C3: variants seen among roughly 807,000 people sequenced by gnomAD.
C3 encodes the protein C3 and PZP-like alpha-2-macroglobulin domain-containing protein 1.
C3 carries 97 observed loss-of-function variants against 207.9 expected under a neutral mutation model. The observed-to-expected ratio is 0.47, with a 90% CI of 0.40 to 0.55. The LOEUF (loss-of-function observed/expected upper bound fraction) is 0.55, where lower values mean the gene tolerates loss of function less well. Ranked by LOEUF, C3 falls within the 20% of genes least tolerant of loss-of-function variation. The pLI is 0.00. For synonymous variants in C3, 848 were observed against 857.6 expected, an observed-to-expected ratio of 0.99 and a Z score of 0.20; for missense variants, 1,684 against 2,171.7, an observed-to-expected ratio of 0.78 and a Z score of 4.46.
At position 6,678,238 on chromosome 19, in the gene C3, G is replaced by T. The variant is rs2145388816; in HGVS notation, c.4764C>A (p.Ile1588=). ...CCAGCTTCAGGGCTTCTCTGCACTT[G>T]ATGGGGCTGATGAACGTGCGCTGCT... ...VGQQRTFISP[I]KCREALKLEE... is the part of the protein sequence containing the mutation. The change falls in exon 40 of 41, where the codon ATC becomes ATA. Residue 1588 remains isoleucine (I), a synonymous_variant. Coordinates refer to ENST00000245907, the MANE Select transcript of C3 (RefSeq NM_000064.4). 1.2e-6 allele frequency: 2 copies of T among 1,614,236 alleles called. No homozygotes were observed. The highest frequency in any genetic ancestry group is 4.5e-5 in the East Asian group (2 of 44,882).
chr19:6,709,611 T>TTGCCCCCC, intron 14 of C3, 73 bp downstream of exon 14: 22 of 1,109,426 alleles, frequency 2.0e-5, no homozygotes, highest in East Asian at 5.1e-5. Context: ...CCCTCTCCAG[T>TTGCCCCCC]CCCACCCACC....
At chr19:6,680,058 C>T (rs1917821319) in intron 36 of C3, 100 bp downstream of exon 36, 12 of 776,016 alleles carry the variant, frequency 1.5e-5, no homozygotes, top group South Asian at 1.5e-4. Context: ...AATCCCTGGA[C>T]TCCTTAGACC....
intron 27 of C3, 43 bp downstream of exon 27, chr19:6,690,586 A>T (rs1310909800): frequency 1.3e-6 from 2 of 1,511,396 alleles, no homozygotes; most frequent in Non-Finnish European, 1.8e-6. Flanking sequence ...TGTGCTCTGC[A>T]TCGGGTAAGG....
At chr19:6,691,344 C>T (rs1037461218) in intron 26 of C3, among the ~76,000 whole-genome samples, 7 of 152,236 alleles carry the variant, frequency 4.6e-5, no homozygotes, top group African/African-American at 1.4e-4. Context: ...TGAGCCACTG[C>T]GCCCAGCCAA....
At chr19:6,702,867 C>T in intron 17 of C3, 1 of 368,190 alleles carries the variant, frequency 2.7e-6, no homozygotes, top group Middle Eastern at 9.5e-4. Flanking sequence ...AACCCCATCT[C>T]TACTAAAAAC....
chr19:6,686,581 A>T lies in C3; in HGVS notation c.3646+165T>A. On this transcript the variant is annotated intron_variant, in intron 28 of 40. Transcript: ENST00000245907. Reference sequence around the variant, plus strand: ...AACTTAGAGCCGTGCATCCCAGCTCAGCTCAGGGTTATGCATCCCAGCTTG... The same window carrying T: ...AACTTAGAGCCGTGCATCCCAGCTCTGCTCAGGGTTATGCATCCCAGCTTG... 3 of 832,840 alleles carry T rather than the reference A, an allele frequency of 3.6e-6. No individual in the cohort carries two copies. The Admixed American group carries it at 5.3e-5, about 15-fold the overall frequency. 51.6% of individuals were successfully genotyped at this position (832,840 alleles called of 1,614,324 possible).
intron 23 of C3, 142 bp from the exon 24 acceptor site, chr19:6,694,776 G>A: frequency 1.4e-6 from 1 of 722,064 alleles, no homozygotes; most frequent in Admixed American, 2.6e-5. Flanking sequence ...TGACTGCGGG[G>A]AGGGGAGGCT....
rs1967624018 is a variant in C3, at chr19:6,700,373, TTA to T, written c.2440+1752_2440+1753del. On this transcript the variant is annotated intron_variant, in intron 19 of 40. Coordinates refer to ENST00000245907, the MANE Select transcript of C3 (RefSeq NM_000064.4). ...TATGATATATATGTAATATGATATATTATATATGTAATATATGATATATATGT... is the reference window on the plus strand; with the variant it reads ...TATGATATATATGTAATATGATATATTATATGTAATATATGATATATATGT... Among the ~76,000 whole-genome samples the T allele has an allele frequency of 2.3e-5, 2 of 87,614 alleles. 1 individual carries two copies. Among genetic ancestry groups the T allele is most frequent in the African/African-American group, 1.1e-4 (2 of 17,704 alleles). 57.5% of individuals were successfully genotyped at this position (87,614 alleles called of 152,430 possible).
chr19:6,693,665 G>C (rs1201583871), intron 24 of C3, among the ~76,000 whole-genome samples, 178 bp from the exon 25 acceptor site: 1 of 151,722 alleles, frequency 6.6e-6, no homozygotes, highest in East Asian at 1.9e-4. Flanking sequence ...AGAACGAGGA[G>C]GTGGAAAAGT....
chr19:6,697,049 T>TAAAAAAA (rs202245108), intron 21 of C3, among the ~76,000 whole-genome samples: 4 of 91,514 alleles, frequency 4.4e-5, no homozygotes, highest in Non-Finnish European at 9.3e-5. Flanking sequence ...CTCAAAAAAA[T>TAAAAAAA]AAACAAACAA....
Position 6,678,469 on chromosome 19 carries a change from G to C in C3, c.4631-14C>G. 6.2e-7 allele frequency: 1 copy of C among 1,612,338 alleles called. No individual in the cohort carries two copies. ...GGGTCTTGTACACTGTGGGGGAGAG[G>C]CAGACAGTTTGGGTGGTGGGCTAGG... On this transcript the variant is annotated splice_polypyrimidine_tract_variant and intron_variant, in intron 38 of 40. Transcript: ENST00000245907.
At chr19:6,712,961 C>T (rs1030057465) in intron 9 of C3, among the ~76,000 whole-genome samples, 4 of 152,126 alleles carry the variant, frequency 2.6e-5, no homozygotes, top group African/African-American at 9.7e-5. Context: ...GGCCTGTGCC[C>T]CCATCAGCCC....
rs544415595 is a variant in C3, at chr19:6,707,808, T to A, written c.1967A>T (p.Gln656Leu). 6.2e-7 allele frequency: 1 copy of A among 1,613,626 alleles called. No homozygotes were observed. Among genetic ancestry groups the A allele is most frequent in the South Asian group, 1.1e-5 (1 of 91,072 alleles). ...FTSSSGQQTAQRAELQCPQPA... is the reference protein window; with the variant it reads ...FTSSSGQQTALRAELQCPQPA... ...CCTGGTGGCGACCTCACCTGCCCTC[T>A]GGGCGGTCTGCTGGCCACTGCTGCT... The change falls in exon 15 of 41, where the codon CAG (glutamine) becomes CTG (leucine). Residue 656 changes from glutamine to leucine, a missense_variant. Physicochemically the swap from Gln to Leu is moderately radical, Grantham distance 113. This residue lies in a region of C3 where 1,280 missense variants were observed against 1,739.1 expected (regional missense o/e 0.74). Coordinates refer to ENST00000245907, the MANE Select transcript of C3 (RefSeq NM_000064.4).
chr19:6,709,611 T>C, intron 14 of C3, 73 bp downstream of exon 14: 3 of 1,109,424 alleles, frequency 2.7e-6, no homozygotes, highest in South Asian at 1.2e-5. Context: ...CCCTCTCCAG[T>C]CCCACCCACC....
In C3 at chr19:6,714,007, A is replaced by G. The variant is rs781713336; in HGVS notation, c.758T>C (p.Val253Ala). ...AGTCCCTCACCTGGCGGTGATGGTGACCTCCAGGCCCTTCTCGTTATAGAT... is the reference window on the plus strand; with the variant it reads ...AGTCCCTCACCTGGCGGTGATGGTGGCCTCCAGGCCCTTCTCGTTATAGAT... ...YYIYNEKGLE[V>A]TITARFLYGK... The change falls in exon 7 of 41, where the codon GTC (valine) becomes GCC (alanine). Residue 253 changes from valine (V) to alanine (A), a missense_variant. Val to Ala is a moderately conservative substitution (Grantham distance 64). Around this residue, in one of 3 missense-constraint regions of C3, gnomAD observed 1,280 missense variants for 1,739.1 expected, o/e 0.74. Transcript: ENST00000245907. The G allele has an allele frequency of 3.1e-6, 5 of 1,600,954 alleles. No individual in the cohort carries two copies. In the East Asian group the frequency reaches 9.0e-5, roughly 29 times the overall value.
Position 6,681,979 on chromosome 19 carries a change from A to ATCTTT in C3, c.4311_4312insAAAGA (p.Phe1438LysfsTer24). On this transcript the variant is annotated frameshift_variant, in exon 35 of 41. Coordinates refer to ENST00000245907, the MANE Select transcript of C3 (RefSeq NM_000064.4). LOFTEE classifies it high-confidence loss of function. ...ATGATGAGGGTGTTCCTATCGGAGA[A>ATCTTT]GGCTTTGTCCAGCTCATACTTGGAG... 6.2e-7 allele frequency: 1 copy of ATCTTT among 1,614,142 alleles called. No homozygotes were observed. The highest frequency in any genetic ancestry group is 8.5e-7 in the Non-Finnish European group (1 of 1,179,990).
In C3 at chr19:6,702,173, G is replaced by A. The variant is rs112178657; in HGVS notation, c.2394C>T (p.Ser798=). The A allele has an allele frequency of 4.4e-4, 712 of 1,606,570 alleles. 4 individuals carry two copies. The African/African-American group carries it at 8.2e-3, about 18-fold the overall frequency. The change falls in exon 19 of 41, where the codon TCC becomes TCT. Residue 798 remains serine (S), a synonymous_variant. Transcript: ENST00000245907. ...TKLMNIFLKD[S]ITTWEILAVS... ...CAGCCAGAATCTCCCACGTGGTGAT[G>A]GAGTCTTTCAAAAATATATTCATGA...
chr19:6,704,642 C>T (rs1204398288), intron 17 of C3, among the ~76,000 whole-genome samples: 1 of 151,886 alleles, frequency 6.6e-6, no homozygotes, highest in Non-Finnish European at 1.5e-5. Flanking sequence ...GCCTGTAATC[C>T]CAGCTACTTG....
intron 17 of C3, among the ~76,000 whole-genome samples, chr19:6,705,340 C>CTT (rs543404742): frequency 2.8e-5 from 4 of 144,058 alleles, no homozygotes; most frequent in South Asian, 2.2e-4. Context: ...TTTTCTCTCT[C>CTT]TTTTTTTTTT....
Sources: gnomAD v4.1 joint callset for allele counts (sites outside exome capture counted in the v4.1 genomes callset) on GRCh38, gnomAD v4.1.1 for gene constraint, gnomAD v4.1.1 regional missense constraint, MANE v1.5 for transcripts, NCBI Gene and HGNC (gene_info 2026-07-23, HGNC 2026-07-21) for gene names.